Variants in TMEM132C observed in about 807,000 individuals in gnomAD.
TMEM132C encodes the protein protein phosphatase 1, regulatory subunit 152.
In TMEM132C, 29 loss-of-function variants were observed where a neutral mutation model predicts 61.4. That is an observed-to-expected ratio of 0.47 (90% confidence interval 0.35 to 0.64). TMEM132C has a LOEUF of 0.64. TMEM132C is among the 30% of genes least tolerant of loss of function. The probability of loss-of-function intolerance (pLI) is 0.00; values close to 1 mark genes in which losing one functional copy is unlikely to be tolerated. For synonymous variants in TMEM132C, 656 were observed against 633.1 expected (o/e 1.04, Z -0.54); for missense variants, 1,408 against 1,476.9 (o/e 0.95, Z 0.76).
intron 2 of TMEM132C, among the ~76,000 whole-genome samples, chr12:128,429,991 G>A (rs1422268404): frequency 3.9e-5 from 6 of 152,102 alleles, no homozygotes; most frequent in East Asian, 1.9e-4. Flanking sequence ...TGCACATCAC[G>A]GTGGATGGGG....
intron 1 of TMEM132C, among the ~76,000 whole-genome samples, chr12:128,285,603 C>G (rs955681480): frequency 1.3e-5 from 2 of 152,010 alleles, no homozygotes; most frequent in African/African-American, 4.8e-5. Context: ...CAGGGGTTCA[C>G]TGGGATTTGA....
intron 2 of TMEM132C, among the ~76,000 whole-genome samples, chr12:128,427,323 C>T: frequency 6.6e-6 from 1 of 151,670 alleles, no homozygotes; most frequent in Admixed American, 6.6e-5. Flanking sequence ...ATTTCCTGTG[C>T]TCCTAGAGAA....
chr12:128,605,022 A>AATGG (rs3044836), intron 3 of TMEM132C, among the ~76,000 whole-genome samples: 3,155 of 149,442 alleles, frequency 0.021, 42 homozygotes, highest in African/African-American at 0.044. Context: ...ATAATAGATG[A>AATGG]ATGGATGGAT....
intron 3 of TMEM132C, among the ~76,000 whole-genome samples, chr12:128,547,344 C>T (rs1188460563): frequency 3.3e-5 from 5 of 151,410 alleles, no homozygotes; most frequent in African/African-American, 1.2e-4. Context: ...TGGTTCGTTC[C>T]TTGCCTTTGG....
intron 2 of TMEM132C, among the ~76,000 whole-genome samples, chr12:128,538,303 C>T (rs7133138): frequency 0.54 from 81,274 of 151,840 alleles, 22,572 homozygotes; most frequent in Middle Eastern, 0.61. Flanking sequence ...TTTGTATTTT[C>T]AGTAGAGACG....
chr12:128,395,566 G>A (rs1713599), intron 1 of TMEM132C, among the ~76,000 whole-genome samples: 57,097 of 152,068 alleles, frequency 0.38, 12,014 homozygotes, highest in African/African-American at 0.57. Context: ...AGCCTAGCCT[G>A]CCTTAAACGT....
At chr12:128,536,625 C>T (rs761504805) in intron 2 of TMEM132C, among the ~76,000 whole-genome samples, 1 of 152,096 alleles carries the variant, frequency 6.6e-6, no homozygotes, top group Non-Finnish European at 1.5e-5. Flanking sequence ...GTTTTATCAC[C>T]ACCTTCCACC....
Position 128,324,839 on chromosome 12 carries a change from A to T in TMEM132C, c.85+57352A>T, listed in dbSNP as rs189614195. 2.2e-3 allele frequency among the ~76,000 whole-genome samples: 328 copies of T among 152,194 alleles called. 1 individual carries two copies. Among genetic ancestry groups the T allele is most frequent in the African/African-American group, 6.2e-3 (256 of 41,506 alleles). The stretch of plus-strand genomic sequence containing the variant: ...TGAGACCCTACCTCAAAAAAATTTT[A>T]AAAAAAATGTTGTGAGCATTTTCTG... On this transcript the variant is annotated intron_variant, in intron 1 of 8. Transcript: ENST00000435159.
chr12:128,604,675 A>G (rs1358704843), intron 3 of TMEM132C, among the ~76,000 whole-genome samples: 6 of 152,174 alleles, frequency 3.9e-5, no homozygotes. Flanking sequence ...GGATAGATAG[A>G]TCATAGAGGG....
intron 2 of TMEM132C, among the ~76,000 whole-genome samples, chr12:128,456,810 G>A (rs534526264): frequency 3.3e-5 from 5 of 152,148 alleles, no homozygotes; most frequent in Non-Finnish European, 5.9e-5. Context: ...TTCCCTGCCA[G>A]ATAACCCCAT....
chr12:128,443,511 A>G (rs1203881933), intron 2 of TMEM132C, among the ~76,000 whole-genome samples: 1 of 152,228 alleles, frequency 6.6e-6, no homozygotes, highest in Non-Finnish European at 1.5e-5. Flanking sequence ...CTATTCTTCT[A>G]ATTTTTCTAT....
chr12:128,442,616 CA>C (rs148014133), intron 2 of TMEM132C, among the ~76,000 whole-genome samples: 10,178 of 149,074 alleles, frequency 0.068, 424 homozygotes, highest in Middle Eastern at 0.11. Context: ...GGGACAGAAA[CA>C]AAAGAACGGT....
chr12:128,293,472 AC>A (rs199772687), intron 1 of TMEM132C, among the ~76,000 whole-genome samples: 9 of 148,428 alleles, frequency 6.1e-5, no homozygotes, highest in Admixed American at 2.0e-4. Flanking sequence ...CTACCTCCTT[AC>A]AGAATTTCAA....
chr12:128,599,691 T>C (rs1182313237), intron 3 of TMEM132C, among the ~76,000 whole-genome samples: 1 of 152,220 alleles, frequency 6.6e-6, no homozygotes. Flanking sequence ...AAGAGTGTTC[T>C]TCTGAAGTTC....
At chr12:128,528,409 A>G (rs750055078) in intron 2 of TMEM132C, among the ~76,000 whole-genome samples, 1 of 152,188 alleles carries the variant, frequency 6.6e-6, no homozygotes, top group South Asian at 2.1e-4. Context: ...CTGTGTGTTC[A>G]TGTAGGCTCA....
chr12:128,687,168 C>G lies in TMEM132C; in HGVS notation c.1450-6661C>G, dbSNP rs1225104680. On this transcript the variant is annotated intron_variant, in intron 5 of 8. Transcript: ENST00000435159. The stretch of plus-strand genomic sequence containing the variant: ...AGTGAGCCGAGATGGCGCCATTGCA[C>G]TCCAGCCTGGGTGACAGAGCAAGAC... Among the ~76,000 whole-genome samples, 4 of 139,084 alleles carry G rather than the reference C, an allele frequency of 2.9e-5. No individual in the cohort carries two copies. In the East Asian group the frequency reaches 8.4e-4, roughly 29 times the overall value. The allele number at this position is 139,084 out of a possible 152,430, so 91.2% of individuals were successfully genotyped here.
At chr12:128,467,692 A>C (rs1772102377) in intron 2 of TMEM132C, among the ~76,000 whole-genome samples, 1 of 152,104 alleles carries the variant, frequency 6.6e-6, no homozygotes, top group South Asian at 2.1e-4. Context: ...AGCATGGGGG[A>C]GGGAGCAGGA....
intron 1 of TMEM132C, among the ~76,000 whole-genome samples, chr12:128,283,986 A>T (rs938584803): frequency 6.6e-6 from 1 of 152,082 alleles, no homozygotes; most frequent in Admixed American, 6.5e-5. Flanking sequence ...AGTTACATGA[A>T]CTCCATTATA....
At chr12:128,334,702 T>C (rs954052271) in intron 1 of TMEM132C, among the ~76,000 whole-genome samples, 1 of 151,996 alleles carries the variant, frequency 6.6e-6, no homozygotes, top group African/African-American at 2.4e-5. Context: ...TTCATGCCAT[T>C]CTCCGGCCTC....
Sources: gnomAD v4.1 joint callset for allele counts (sites outside exome capture counted in the v4.1 genomes callset) on GRCh38, gnomAD v4.1.1 for gene constraint, MANE v1.5 for transcripts, NCBI Gene and HGNC (gene_info 2026-07-23, HGNC 2026-07-21) for gene names.